Variants in DOK6 observed in about 807,000 individuals in gnomAD.
The protein encoded by DOK6 is docking protein 6, also known as downstream of tyrosine kinase 6.
In DOK6, 22 loss-of-function variants were observed where a neutral mutation model predicts 44.0. That is an observed-to-expected ratio of 0.50 (90% CI 0.36 to 0.71). The LOEUF is 0.71. DOK6 is among the 30% of genes least tolerant of loss of function. The pLI is 0.00. For synonymous variants in DOK6, 166 were observed against 145.5 expected, an observed-to-expected ratio of 1.14 and a Z score of -1.01; for missense variants, 340 against 416.4, an observed-to-expected ratio of 0.82 and a Z score of 1.60.
At chr18:69,592,376 T>C (rs1464555981) in intron 2 of DOK6, among the ~76,000 whole-genome samples, 1 of 152,064 alleles carries the variant, frequency 6.6e-6, no homozygotes, top group East Asian at 1.9e-4. Flanking sequence ...TAGGGTTTAC[T>C]AGAGTTATTT....
At chr18:69,547,635 G>A (rs139862353) in intron 1 of DOK6, among the ~76,000 whole-genome samples, 1,620 of 151,244 alleles carry the variant, frequency 0.011, 37 homozygotes, top group African/African-American at 0.037. Context: ...GCTATCTAAC[G>A]TTAGAACTTA....
intron 1 of DOK6, among the ~76,000 whole-genome samples, chr18:69,422,977 A>G (rs1331668622): frequency 1.3e-5 from 2 of 152,170 alleles, no homozygotes; most frequent in Non-Finnish European, 2.9e-5. Flanking sequence ...ACTATATTTT[A>G]GAAAGTTCTT....
chr18:69,611,489 TACACGTACACACACACACACAC>T (rs979898243), intron 3 of DOK6, among the ~76,000 whole-genome samples: 37 of 126,112 alleles, frequency 2.9e-4, no homozygotes, highest in South Asian at 2.1e-3. Flanking sequence ...AAGAAACAAG[TACACGTACACACACACACACAC>T]ACACACACAC....
intron 1 of DOK6, among the ~76,000 whole-genome samples, chr18:69,521,138 T>G (rs1234035130): frequency 6.6e-6 from 1 of 151,958 alleles, no homozygotes; most frequent in Non-Finnish European, 1.5e-5. Flanking sequence ...TTTTTCTATT[T>G]TATGTAACCA....
intron 3 of DOK6, among the ~76,000 whole-genome samples, chr18:69,623,810 T>C (rs573458139): frequency 1.3e-5 from 2 of 152,334 alleles, no homozygotes; most frequent in Non-Finnish European, 2.9e-5. Flanking sequence ...AGAAAGGTTA[T>C]AATGACATAA....
intron 7 of DOK6, among the ~76,000 whole-genome samples, chr18:69,840,705 C>T (rs551478497): frequency 2.6e-5 from 4 of 152,140 alleles, no homozygotes; most frequent in Admixed American, 1.3e-4. Context: ...ACTCACACAC[C>T]GGCTAGGATA....
At chr18:69,701,029 T>G (rs1986506354) in intron 5 of DOK6, among the ~76,000 whole-genome samples, 1 of 152,262 alleles carries the variant, frequency 6.6e-6, no homozygotes. Context: ...ATAATACAAT[T>G]GGATATGTCA....
chr18:69,459,320 T>C (rs969633740), intron 1 of DOK6, among the ~76,000 whole-genome samples: 5 of 151,850 alleles, frequency 3.3e-5, no homozygotes, highest in Non-Finnish European at 5.9e-5. Flanking sequence ...TTTCTAGGGC[T>C]CATACATTTC....
At chr18:69,631,398 C>G (rs1392692640) in intron 3 of DOK6, among the ~76,000 whole-genome samples, 3 of 58,322 alleles carry the variant, frequency 5.1e-5, no homozygotes. Flanking sequence ...CATCAGATAA[C>G]GTGTGACCAG....
chr18:69,582,208 G>A (rs1983386434), intron 2 of DOK6, among the ~76,000 whole-genome samples: 1 of 152,178 alleles, frequency 6.6e-6, no homozygotes, highest in Non-Finnish European at 1.5e-5. Flanking sequence ...GCCTGGCTGT[G>A]TTCTGATATA....
chr18:69,444,444 C>T (rs1318534635), intron 1 of DOK6, among the ~76,000 whole-genome samples: 1 of 151,714 alleles, frequency 6.6e-6, no homozygotes, highest in Non-Finnish European at 1.5e-5. Context: ...AATGCATTTC[C>T]CAACCACCGA....
intron 2 of DOK6, among the ~76,000 whole-genome samples, chr18:69,577,026 A>G (rs1599201682): frequency 6.6e-6 from 1 of 152,158 alleles, no homozygotes; most frequent in African/African-American, 2.4e-5. Context: ...TATTGGGACC[A>G]ATCTCACTTC....
At chr18:69,501,116 A>G (rs2144548416) in intron 1 of DOK6, among the ~76,000 whole-genome samples, 1 of 152,280 alleles carries the variant, frequency 6.6e-6, no homozygotes, top group South Asian at 2.1e-4. Flanking sequence ...TAGCATTCTC[A>G]TATAATACCT....
At chr18:69,656,574 T>C (rs1246163338) in intron 3 of DOK6, among the ~76,000 whole-genome samples, 1 of 152,154 alleles carries the variant, frequency 6.6e-6, no homozygotes, top group East Asian at 1.9e-4. Context: ...TAAATGTTGA[T>C]TAAAAATAAG....
At chr18:69,796,244 G>A (rs148254484) in intron 7 of DOK6, among the ~76,000 whole-genome samples, 3 of 152,244 alleles carry the variant, frequency 2.0e-5, no homozygotes, top group African/African-American at 7.2e-5. Context: ...TTGTGAGAAG[G>A]CTTTGGGATC....
chr18:69,806,282 T>G (rs553503379), intron 7 of DOK6, among the ~76,000 whole-genome samples: 5 of 152,150 alleles, frequency 3.3e-5, no homozygotes, highest in Admixed American at 3.3e-4. Flanking sequence ...AAGAAATTCT[T>G]ATTGGAAGAT....
At position 69,617,095 on chromosome 18, in the gene DOK6, A is replaced by AAG. The variant is rs535392110; in HGVS notation, c.289+17598_289+17599insGA. ...CCTTGTATATCCATATATTTGTTAA[A>AAG]AAAAAAATTCACTACAAACAGATTA... is the stretch of plus-strand genomic sequence containing the variant. On this transcript the variant is annotated intron_variant, in intron 3 of 7. Coordinates refer to ENST00000382713, the MANE Select transcript of DOK6 (RefSeq NM_152721.6). Among the ~76,000 whole-genome samples, 807 of 152,016 alleles carry AAG rather than the reference A, an allele frequency of 5.3e-3. 5 individuals are homozygous for AAG. Among genetic ancestry groups the AAG allele is most frequent in the African/African-American group, 0.018 (755 of 41,486 alleles).
At chr18:69,438,450 G>A in intron 1 of DOK6, among the ~76,000 whole-genome samples, 1 of 152,112 alleles carries the variant, frequency 6.6e-6, no homozygotes, top group Non-Finnish European at 1.5e-5. Flanking sequence ...TAGTTATCTT[G>A]CTATTTCTAC....
chr18:69,478,101 A>G (rs1407881963), intron 1 of DOK6, among the ~76,000 whole-genome samples: 1 of 152,216 alleles, frequency 6.6e-6, no homozygotes, highest in African/African-American at 2.4e-5. Context: ...TGATAAACTA[A>G]TCTGTACTTC....
Sources: gnomAD v4.1 joint callset for allele counts (sites outside exome capture counted in the v4.1 genomes callset) on GRCh38, gnomAD v4.1.1 for gene constraint, MANE v1.5 for transcripts, NCBI Gene and HGNC (gene_info 2026-07-23, HGNC 2026-07-21) for gene names.